CPVL: variants seen among roughly 807,000 people sequenced by gnomAD.
CPVL encodes the protein probable serine carboxypeptidase CPVL.
Under a neutral mutation model 63.7 loss-of-function variants are expected in CPVL, and 51 were observed. That is an observed-to-expected ratio of 0.80 (90% CI 0.64 to 1.01). The LOEUF is 1.01. CPVL is among the 50% of genes least tolerant of loss of function. The pLI is 0.00. For synonymous variants in CPVL, 195 were observed against 206.0 expected, an observed-to-expected ratio of 0.95 and a Z score of 0.46; for missense variants, 530 against 573.1, an observed-to-expected ratio of 0.92 and a Z score of 0.77.
chr7:29,015,703 C>T (rs770852663), intron 12 of CPVL, among the ~76,000 whole-genome samples: 5 of 152,134 alleles, frequency 3.3e-5, no homozygotes, highest in Admixed American at 6.5e-5. Context: ...ACTAATACAG[C>T]GGGGCATGTA....
chr7:29,168,590 A>G (rs78224485), intron 5 of CPVL, among the ~76,000 whole-genome samples: 1,865 of 152,294 alleles, frequency 0.012, 46 homozygotes, highest in African/African-American at 0.042. Context: ...ACTCTTTGCA[A>G]TTTGGAGGTC....
At chr7:29,095,493 T>C (rs1786309902) in intron 4 of CPVL, among the ~76,000 whole-genome samples, 1 of 152,066 alleles carries the variant, frequency 6.6e-6, no homozygotes, top group Non-Finnish European at 1.5e-5. Context: ...GCTCCATCTC[T>C]TGAACAGAAC....
chr7:29,143,027 A>G (rs1792065561), intron 1 of CPVL, among the ~76,000 whole-genome samples: 3 of 152,030 alleles, frequency 2.0e-5, no homozygotes, highest in South Asian at 4.2e-4. Context: ...TTTCCCTCCA[A>G]TTTAGCCTAA....
intron 5 of CPVL, among the ~76,000 whole-genome samples, chr7:29,170,438 T>C (rs759627870): frequency 5.3e-5 from 8 of 152,220 alleles, no homozygotes; most frequent in Admixed American, 1.3e-4. Flanking sequence ...TAATTTTGAA[T>C]ACTGCACATG....
chr7:29,084,814 A>C (rs752152326), intron 7 of CPVL, among the ~76,000 whole-genome samples: 27 of 152,234 alleles, frequency 1.8e-4, no homozygotes, highest in Non-Finnish European at 2.9e-4. Context: ...ATACAATTTA[A>C]GGATAAAAAT....
At chr7:29,094,972 T>G in intron 5 of CPVL, 112 bp downstream of exon 5, 3 of 779,836 alleles carry the variant, frequency 3.8e-6, no homozygotes, top group Non-Finnish European at 6.4e-6. Flanking sequence ...GATTAAATTC[T>G]ATTTTCAAAA....
chr7:29,006,608 G>A (rs990992474), intron 12 of CPVL, among the ~76,000 whole-genome samples: 12 of 152,124 alleles, frequency 7.9e-5, no homozygotes, highest in African/African-American at 2.9e-4. Context: ...GATCTGTTTA[G>A]GAGAACTCCA....
chr7:29,087,547 T>C (rs1343666435), intron 6 of CPVL, among the ~76,000 whole-genome samples: 2 of 152,146 alleles, frequency 1.3e-5, no homozygotes, highest in East Asian at 1.9e-4. Flanking sequence ...ATTCTTTACC[T>C]GAACAAAATA....
At chr7:29,181,892 G>A (rs1479677811) in intron 4 of CPVL, among the ~76,000 whole-genome samples, 1 of 152,090 alleles carries the variant, frequency 6.6e-6, no homozygotes, top group Non-Finnish European at 1.5e-5. Flanking sequence ...ATTTATTCAT[G>A]GTGGAGGGAA....
At chr7:29,087,453 A>G (rs1046272153) in intron 6 of CPVL, among the ~76,000 whole-genome samples, 1 of 151,726 alleles carries the variant, frequency 6.6e-6, no homozygotes, top group Non-Finnish European at 1.5e-5. Flanking sequence ...AAGAATGCCA[A>G]TAGCCACTTC....
intron 12 of CPVL, among the ~76,000 whole-genome samples, chr7:29,013,672 C>G (rs762597895): frequency 1.4e-4 from 22 of 152,250 alleles, no homozygotes; most frequent in Admixed American, 3.9e-4. Context: ...AGTACATTAT[C>G]TGGGTGGCCT....
At chr7:29,091,041 AC>A (rs568236349) in intron 6 of CPVL, among the ~76,000 whole-genome samples, 2 of 152,234 alleles carry the variant, frequency 1.3e-5, no homozygotes, top group Non-Finnish European at 2.9e-5. Context: ...AATAGTGTAA[AC>A]TATAAAGGAA....
intron 1 of CPVL, among the ~76,000 whole-genome samples, chr7:29,135,739 C>A (rs1307582295): frequency 6.6e-6 from 1 of 152,108 alleles, no homozygotes; most frequent in East Asian, 1.9e-4. Flanking sequence ...GTCACCCAGG[C>A]TGCAGTGGCA....
intron 12 of CPVL, among the ~76,000 whole-genome samples, chr7:29,026,947 T>A (rs1408919641): frequency 6.6e-6 from 1 of 152,184 alleles, no homozygotes; most frequent in African/African-American, 2.4e-5. Flanking sequence ...CTCAAACTAA[T>A]TCTTTAAAAT....
chr7:29,118,624 AT>A (rs34950563), intron 2 of CPVL, among the ~76,000 whole-genome samples: 43,670 of 152,210 alleles, frequency 0.29, 6,372 homozygotes, highest in Middle Eastern at 0.34. Context: ...GCACTTACAC[AT>A]ACCCTTAAAA....
At chr7:29,080,917 G>C (rs1438494183) in intron 7 of CPVL, among the ~76,000 whole-genome samples, 2 of 152,338 alleles carry the variant, frequency 1.3e-5, no homozygotes, top group Admixed American at 1.3e-4. Context: ...TATAAAGAGA[G>C]TCTGCCCGTT....
At chr7:29,077,675 C>G (rs940563867) in intron 7 of CPVL, among the ~76,000 whole-genome samples, 9 of 152,180 alleles carry the variant, frequency 5.9e-5, no homozygotes, top group Non-Finnish European at 1.0e-4. Flanking sequence ...GGCGCACTGC[C>G]CTTCTGGAAT....
chr7:29,041,385 G>T (rs558507195), intron 11 of CPVL, among the ~76,000 whole-genome samples: 8 of 151,948 alleles, frequency 5.3e-5, no homozygotes, highest in African/African-American at 1.9e-4. Context: ...CCCAATAACT[G>T]AATTTTAATA....
chr7:29,121,068 G>A lies in CPVL; in HGVS notation c.-7C>T, dbSNP rs1034449902. On this transcript the variant is annotated 5_prime_UTR_variant, in exon 2 of 13. Coordinates refer to ENST00000265394, the MANE Select transcript of CPVL (RefSeq NM_031311.5). ...TCCACATGGCACCAACCATCTCTCA[G>A]GGTCTAGGATAAAAACAGCATTCCA... 6.3e-7 allele frequency: 1 copy of A among 1,591,160 alleles called. No individual in the cohort carries two copies. The highest frequency in any genetic ancestry group is 1.9e-5 in the Admixed American group (1 of 53,162).
Sources: gnomAD v4.1 joint callset for allele counts (sites outside exome capture counted in the v4.1 genomes callset) on GRCh38, gnomAD v4.1.1 for gene constraint, MANE v1.5 for transcripts, NCBI Gene and HGNC (gene_info 2026-07-23, HGNC 2026-07-21) for gene names.